FRMPD4: variants seen among roughly 807,000 people sequenced by gnomAD.
FRMPD4 encodes FERM and PDZ domain-containing protein 4.
In FRMPD4, 22 loss-of-function variants were observed where a neutral mutation model predicts 94.1. The observed-to-expected ratio is 0.23, with a 90% CI of 0.17 to 0.33. The LOEUF (loss-of-function observed/expected upper bound fraction) is 0.33, where lower values mean the gene tolerates loss of function less well. FRMPD4 is among the 10% of genes least tolerant of loss of function. FRMPD4 has a pLI of 1.00. For missense variants in FRMPD4, 1,111 were observed against 1,339.9 expected (o/e 0.83, Z 2.67); for synonymous variants, 631 against 548.6 (o/e 1.15, Z -2.10).
rs370987042 is a variant in FRMPD4 at position 12,602,549 on chromosome X, G to C, written c.159-7172G>C. 4.5e-5 allele frequency among the ~76,000 whole-genome samples: 5 copies of C among 112,023 alleles called. No individual in the cohort carries two copies. In the East Asian group the frequency reaches 1.4e-3, roughly 31 times the overall value. ...TTGGTGGAGAAAATCCTTTTGACAT[G>C]TGGAACTTCAGGGTATTTATTAATA... On this transcript the variant is annotated intron_variant, in intron 2 of 16. Transcript: ENST00000675598.
intron 3 of FRMPD4, among the ~76,000 whole-genome samples, chrX:12,039,106 G>A (rs976546956): frequency 1.8e-5 from 2 of 110,526 alleles, no homozygotes; most frequent in African/African-American, 6.6e-5. Context: ...TTGCTGAAGC[G>A]ATCCCCCCAC....
At chrX:11,975,655 G>C (rs1483322849) in intron 3 of FRMPD4, among the ~76,000 whole-genome samples, 1 of 111,396 alleles carries the variant, frequency 9.0e-6, no homozygotes, top group African/African-American at 3.3e-5. Flanking sequence ...TGAGTAATGA[G>C]AATGAGGACA....
intron 4 of FRMPD4, among the ~76,000 whole-genome samples, chrX:12,665,384 C>A (rs1188601361): frequency 2.7e-5 from 3 of 110,144 alleles, no homozygotes; most frequent in Non-Finnish European, 5.7e-5. Context: ...GCAGAGCTTG[C>A]AGTGAGCCAA....
chrX:12,533,586 C>A (rs1041255727), intron 2 of FRMPD4, among the ~76,000 whole-genome samples: 11 of 111,755 alleles, frequency 9.8e-5, no homozygotes, highest in Non-Finnish European at 1.9e-4. Context: ...ACAGTGAAAT[C>A]CAGGCTGAAG....
chrX:12,051,935 A>C (rs1238914778), intron 3 of FRMPD4, among the ~76,000 whole-genome samples: 1 of 111,977 alleles, frequency 8.9e-6, no homozygotes, highest in African/African-American at 3.2e-5. Context: ...TCAGAAGCAC[A>C]GAAGAGGGAA....
chrX:12,335,635 T>A (rs1368822712), intron 1 of FRMPD4, among the ~76,000 whole-genome samples: 1 of 111,419 alleles, frequency 9.0e-6, no homozygotes. Flanking sequence ...TACTCTCTTT[T>A]ACAAATTCCA....
Position 11,991,318 on chromosome X carries a change from A to AGAT in FRMPD4, c.95+113301_95+113303dup, listed in dbSNP as rs755783351. 1.9e-4 allele frequency among the ~76,000 whole-genome samples: 21 copies of AGAT among 111,657 alleles called. No individual in the cohort carries two copies. In the East Asian group the frequency reaches 5.9e-3, roughly 32 times the overall value. On this transcript the variant is annotated intron_variant, in intron 3 of 18. Coordinates refer to the FRMPD4 transcript ENST00000640291. ...TAATCCTTAACAGCATTTCAAAATG[A>AGAT]GATCCAGTGTTTCAGGCATAAACAC...
At chrX:12,406,775 T>C (rs1158036326) in intron 1 of FRMPD4, among the ~76,000 whole-genome samples, 1 of 112,164 alleles carries the variant, frequency 8.9e-6, no homozygotes, top group Non-Finnish European at 1.9e-5. Context: ...TCAAGTGTGG[T>C]GCAAATAAGT....
chrX:12,191,251 T>C (rs1048151188), intron 1 of FRMPD4, among the ~76,000 whole-genome samples: 9 of 111,987 alleles, frequency 8.0e-5, no homozygotes, highest in African/African-American at 2.3e-4. Context: ...ACACCAAGTA[T>C]TGATGAGGAT....
chrX:12,400,721 AAG>A (rs2056599210), intron 1 of FRMPD4, among the ~76,000 whole-genome samples: 1 of 111,892 alleles, frequency 8.9e-6, no homozygotes, highest in Non-Finnish European at 1.9e-5. Flanking sequence ...AAGTTCACAA[AAG>A]AGTTTCATTT....
intron 7 of FRMPD4, among the ~76,000 whole-genome samples, chrX:12,688,745 C>T (rs375849898): frequency 1.1e-4 from 10 of 92,000 alleles, no homozygotes; most frequent in South Asian, 5.5e-4. Context: ...GCAGGGAAAT[C>T]TTTTTTTTTT....
chrX:12,316,249 C>T (rs889047222), intron 1 of FRMPD4, among the ~76,000 whole-genome samples: 1 of 111,375 alleles, frequency 9.0e-6, no homozygotes, highest in Non-Finnish European at 1.9e-5. Flanking sequence ...TGGGTTCAAG[C>T]TATTCTCCTG....
At position 12,553,460 on chromosome X, in the gene FRMPD4, A is replaced by G. The variant is rs78628868; in HGVS notation, c.158+54664A>G. On this transcript the variant is annotated intron_variant, in intron 2 of 16. Transcript: ENST00000675598. ...TATATATATATATATATATATATAT[A>G]TATATATCTAATCCACTAATTTATT... Among the ~76,000 whole-genome samples the G allele has an allele frequency of 2.9e-3, 236 of 81,391 alleles. 6 individuals are homozygous for G. Among genetic ancestry groups the G allele is most frequent in the Non-Finnish European group, 3.3e-3 (146 of 44,314 alleles). The allele number at this position is 81,391 out of a possible 115,157, so 70.7% of individuals were successfully genotyped here. A position where few individuals can be genotyped will look rare whatever the true frequency, so the allele number is the denominator to read the frequency against.
chrX:11,950,108 C>T (rs1359381979), intron 3 of FRMPD4, among the ~76,000 whole-genome samples: 1 of 111,115 alleles, frequency 9.0e-6, no homozygotes, highest in Non-Finnish European at 1.9e-5. Context: ...TGTTTTTTCC[C>T]ATGCTGTTCT....
chrX:12,219,081 G>C (rs1262835040), intron 1 of FRMPD4, among the ~76,000 whole-genome samples: 1 of 112,087 alleles, frequency 8.9e-6, no homozygotes, highest in East Asian at 2.8e-4. Flanking sequence ...TTTTAAAAAT[G>C]ATTTGGGCTG....
At chrX:11,853,381 A>G (rs761752804) in intron 1 of FRMPD4, among the ~76,000 whole-genome samples, 6 of 111,828 alleles carry the variant, frequency 5.4e-5, no homozygotes, top group Admixed American at 9.5e-5. Flanking sequence ...GCAGAAAACA[A>G]GAAATAATTA....
At chrX:12,534,935 G>C (rs1326309762) in intron 2 of FRMPD4, among the ~76,000 whole-genome samples, 1 of 111,682 alleles carries the variant, frequency 9.0e-6, no homozygotes, top group African/African-American at 3.3e-5. Context: ...GAAGCCATGA[G>C]ATTTGGAGGG....
rs745921135 is a variant in FRMPD4, at chrX:11,955,089, C to T, written c.95+77071C>T. On this transcript the variant is annotated intron_variant, in intron 3 of 18. Transcript: ENST00000640291. ...GCCCACTTCTTATAGACGGTGCATT[C>T]TCACTGTGTCCTCCACATGACAGGA... Among the ~76,000 whole-genome samples, 10 of 111,400 alleles carry T rather than the reference C, an allele frequency of 9.0e-5. No homozygotes were observed. In the East Asian group the frequency reaches 2.8e-3, roughly 31 times the overall value.
chrX:12,283,494 A>G (rs1350570947), intron 1 of FRMPD4, among the ~76,000 whole-genome samples: 1 of 112,453 alleles, frequency 8.9e-6, no homozygotes, highest in African/African-American at 3.2e-5. Flanking sequence ...TGCACTCTTA[A>G]TTAATGATGT....
Sources: gnomAD v4.1 joint callset for allele counts (sites outside exome capture counted in the v4.1 genomes callset) on GRCh38, gnomAD v4.1.1 for gene constraint, MANE v1.5 for transcripts, NCBI Gene and HGNC (gene_info 2026-07-23, HGNC 2026-07-21) for gene names.